Variants in ROBO2 observed in about 807,000 individuals in gnomAD.
ROBO2 encodes roundabout homolog 2.
A neutral mutation model predicts 160.8 loss-of-function variants in ROBO2; 53 were observed. The ratio of observed to expected loss-of-function variants is 0.33; its 90% CI spans 0.26 to 0.41. ROBO2 has a LOEUF of 0.41. Among genes scored for constraint, ROBO2 ranks in the 10% least tolerant of loss-of-function variants. The probability of loss-of-function intolerance (pLI) is 1.00; values close to 1 mark genes in which losing one functional copy is unlikely to be tolerated. For missense variants in ROBO2, 1,577 were observed against 1,722.4 expected (o/e 0.92, Z 1.49); for synonymous variants, 664 against 611.7 (o/e 1.09, Z -1.26).
chr3:77,127,267 C>A (rs2075427229), intron 2 of ROBO2, among the ~76,000 whole-genome samples: 1 of 152,018 alleles, frequency 6.6e-6, no homozygotes, highest in Non-Finnish European at 1.5e-5. Context: ...GCACATAAAA[C>A]CCGTTTTATT....
intron 2 of ROBO2, among the ~76,000 whole-genome samples, chr3:77,283,371 T>G (rs999066917): frequency 1.3e-5 from 2 of 152,192 alleles, no homozygotes; most frequent in Non-Finnish European, 2.9e-5. Context: ...GATTGCTGAA[T>G]GCGATATCAA....
rs148077791 is a variant in ROBO2 at position 77,355,066 on chromosome 3, C to T, written c.389-122348C>T. On this transcript the variant is annotated intron_variant, in intron 2 of 25. Coordinates refer to ENST00000461745, the Ensembl canonical transcript of ROBO2. ...GCATCTCTACAACCAAAACACAAAA[C>T]ATTTCTCTCACTCCAAAGAGTTCTA... Among the ~76,000 whole-genome samples the T allele has an allele frequency of 4.5e-3, 663 of 146,620 alleles. 9 individuals are homozygous for T. Among genetic ancestry groups the T allele is most frequent in the African/African-American group, 0.016 (635 of 39,778 alleles).
intron 2 of ROBO2, among the ~76,000 whole-genome samples, chr3:76,841,690 C>A (rs1254853731): frequency 6.6e-6 from 1 of 152,052 alleles, no homozygotes; most frequent in African/African-American, 2.4e-5. Context: ...TTTGTTCATG[C>A]CACCTAATTG....
chr3:76,916,984 C>T (rs767265368), intron 2 of ROBO2, among the ~76,000 whole-genome samples: 28 of 152,198 alleles, frequency 1.8e-4, no homozygotes, highest in African/African-American at 3.1e-4. Context: ...ATCCTCTCCC[C>T]GCAAACAACA....
intron 2 of ROBO2, among the ~76,000 whole-genome samples, chr3:76,714,505 G>A (rs1196700440): frequency 6.6e-6 from 1 of 152,120 alleles, no homozygotes. Context: ...TTGACACATA[G>A]CAAAAGGCAT....
intron 2 of ROBO2, among the ~76,000 whole-genome samples, chr3:77,303,713 G>A (rs1158320091): frequency 2.0e-5 from 3 of 151,758 alleles, no homozygotes; most frequent in Admixed American, 1.3e-4. Context: ...CAATGTGTGT[G>A]TATATATATA....
chr3:76,628,944 G>A (rs9812362), intron 2 of ROBO2, among the ~76,000 whole-genome samples: 1 of 151,990 alleles, frequency 6.6e-6, no homozygotes, highest in Admixed American at 6.5e-5. Flanking sequence ...GAAGTTGTAC[G>A]TTGGTACTCA....
chr3:77,602,726 AC>A (rs2094458084), intron 20 of ROBO2, among the ~76,000 whole-genome samples: 1 of 128,912 alleles, frequency 7.8e-6, no homozygotes, highest in Non-Finnish European at 1.6e-5. Flanking sequence ...CCACCACCAC[AC>A]ACCAGTGCCA....
At chr3:76,102,699 C>G (rs897026325) in intron 2 of ROBO2, among the ~76,000 whole-genome samples, 2 of 152,038 alleles carry the variant, frequency 1.3e-5, no homozygotes, top group Non-Finnish European at 2.9e-5. Flanking sequence ...TGAGAGAAAA[C>G]CAGCTTTTCA....
chr3:76,447,692 C>G (rs941893401), intron 2 of ROBO2, among the ~76,000 whole-genome samples: 2 of 151,266 alleles, frequency 1.3e-5, no homozygotes, highest in Non-Finnish European at 2.9e-5. Flanking sequence ...CACATATACA[C>G]CATGGAATAC....
At chr3:76,383,778 T>G (rs1438881573) in intron 2 of ROBO2, among the ~76,000 whole-genome samples, 1 of 151,966 alleles carries the variant, frequency 6.6e-6, no homozygotes, top group Non-Finnish European at 1.5e-5. Context: ...GTAAATCAAA[T>G]AACCCCTGAC....
chr3:77,334,945 A>G (rs2153446503), intron 2 of ROBO2, among the ~76,000 whole-genome samples: 1 of 152,278 alleles, frequency 6.6e-6, no homozygotes, highest in Admixed American at 6.5e-5. Flanking sequence ...AAGTCTATTG[A>G]AGTAAGTGAG....
intron 7 of ROBO2, among the ~76,000 whole-genome samples, chr3:77,550,001 T>C (rs1337478763): frequency 1.9e-5 from 2 of 107,142 alleles, no homozygotes; most frequent in Non-Finnish European, 4.0e-5. Context: ...TCAAATGTTT[T>C]TCTTAATTGA....
At chr3:77,495,441 G>T (rs915848748) in intron 5 of ROBO2, among the ~76,000 whole-genome samples, 2 of 152,064 alleles carry the variant, frequency 1.3e-5, no homozygotes, top group African/African-American at 4.8e-5. Context: ...ACATTATTTG[G>T]CTCTCCCAGG....
chr3:77,590,662 T>C (rs1399116215), intron 17 of ROBO2, among the ~76,000 whole-genome samples: 1 of 152,158 alleles, frequency 6.6e-6, no homozygotes, highest in African/African-American at 2.4e-5. Flanking sequence ...AAAGTTCTAA[T>C]ATATTCACAT....
chr3:77,256,735 AC>A (rs1180089471), intron 2 of ROBO2, among the ~76,000 whole-genome samples: 1 of 152,294 alleles, frequency 6.6e-6, no homozygotes, highest in East Asian at 1.9e-4. Context: ...AGAGCATGAA[AC>A]CAAGGCTCTC....
chr3:77,237,561 G>A lies in ROBO2; in HGVS notation c.388+139221G>A, dbSNP rs542118113. 2.8e-4 allele frequency among the ~76,000 whole-genome samples: 43 copies of A among 151,988 alleles called. 1 individual carries two copies. Among genetic ancestry groups the A allele is most frequent in the Admixed American group, 2.0e-3 (31 of 15,266 alleles). On this transcript the variant is annotated intron_variant, in intron 2 of 25. Transcript: ENST00000461745. ...ATTATAGGCATGAACCACTGCACCT[G>A]GTGATAGCTCCTTTTTAAGTGCTGA...
chr3:77,047,502 T>C (rs541161916), intron 1 of ROBO2, among the ~76,000 whole-genome samples: 24 of 148,016 alleles, frequency 1.6e-4, no homozygotes, highest in East Asian at 1.3e-3. Context: ...CTGGCCAACA[T>C]GGTGAAACCC....
At chr3:76,394,609 T>C (rs2077329365) in intron 2 of ROBO2, among the ~76,000 whole-genome samples, 1 of 152,084 alleles carries the variant, frequency 6.6e-6, no homozygotes, top group Non-Finnish European at 1.5e-5. Flanking sequence ...TTGGAGTTGC[T>C]CTTCTCGAGG....
Sources: allele counts gnomAD v4.1 joint callset (sites outside exome capture counted in the v4.1 genomes callset), GRCh38; gene constraint gnomAD v4.1.1; transcripts MANE v1.5; gene names NCBI Gene and HGNC (gene_info 2026-07-23, HGNC 2026-07-21).